The following ADAMTS2 variants were observed in gnomAD, a reference collection of about 807,000 sequenced individuals.
The protein encoded by ADAMTS2 is ADAM metallopeptidase with thrombospondin type 1 motif 2.
In ADAMTS2, 50 loss-of-function variants were observed where a neutral mutation model predicts 123.0. The ratio of observed to expected loss-of-function variants is 0.41; its 90% CI spans 0.32 to 0.51. ADAMTS2 has a LOEUF of 0.51. Among genes scored for constraint, ADAMTS2 ranks in the 20% least tolerant of loss-of-function variants. The pLI, the probability that ADAMTS2 is intolerant of heterozygous loss-of-function variation, is 0.35. For missense variants in ADAMTS2, 1,494 were observed against 1,705.2 expected (o/e 0.88, Z 2.18); for synonymous variants, 678 against 695.4 (o/e 0.98, Z 0.39).
chr5:179,320,679 G>A (rs1359504376), intron 2 of ADAMTS2, among the ~76,000 whole-genome samples: 5 of 152,106 alleles, frequency 3.3e-5, no homozygotes, highest in Admixed American at 6.6e-5. Context: ...TCATCCCTGC[G>A]TCACCAGTGG....
intron 3 of ADAMTS2, among the ~76,000 whole-genome samples, chr5:179,247,544 T>C (rs966197479): frequency 3.9e-5 from 6 of 152,158 alleles, no homozygotes; most frequent in African/African-American, 1.4e-4. Flanking sequence ...GACTCCAAGT[T>C]TGAAAACTCA....
Position 179,130,304 on chromosome 5 carries a change from C to T in ADAMTS2, c.2291-206G>A, listed in dbSNP as rs1357320894. Among the ~76,000 whole-genome samples, 1 of 152,138 alleles carries T rather than the reference C, an allele frequency of 6.6e-6. No individual in the cohort carries two copies. The highest frequency in any genetic ancestry group is 1.5e-5 in the Non-Finnish European group (1 of 68,016). ...TCACTGCTCCCTCGGGACCAGATTACCCTCCACTCGCATCCTCTGCCCCCA... is the reference window on the plus strand; with the variant it reads ...TCACTGCTCCCTCGGGACCAGATTATCCTCCACTCGCATCCTCTGCCCCCA... On this transcript the variant is annotated intron_variant, in intron 15 of 21. Transcript: ENST00000251582. The surrounding 1 kb of genome is among the most constrained non-coding windows in gnomAD (Gnocchi z 4.3).
rs115349074 is a variant in ADAMTS2, at chr5:179,234,554, C to T, written c.689-26839G>A. ...AGCCTGCACCTCCCCAGGCTCCAGACCCCGCCCCCTGCTGCCTGCAACTGC... is the reference window on the plus strand; with the variant it reads ...AGCCTGCACCTCCCCAGGCTCCAGATCCCGCCCCCTGCTGCCTGCAACTGC... On this transcript the variant is annotated intron_variant, in intron 3 of 21. Transcript: ENST00000251582. This position sits in a 1 kb window ranked among gnomAD's most constrained non-coding sequence, Gnocchi z 4.7. Among the ~76,000 whole-genome samples, 1,268 of 151,702 alleles carry T rather than the reference C, an allele frequency of 8.4e-3. 22 individuals are homozygous for T. The highest frequency in any genetic ancestry group is 0.029 in the African/African-American group (1,210 of 41,312).
chr5:179,239,725 C>T (rs566619545), intron 3 of ADAMTS2, among the ~76,000 whole-genome samples: 1 of 152,082 alleles, frequency 6.6e-6, no homozygotes, highest in South Asian at 2.1e-4. Context: ...CAGAGGGAGA[C>T]CAAGGAGCGT....
chr5:179,318,141 C>G (rs966733557), intron 2 of ADAMTS2, among the ~76,000 whole-genome samples: 2 of 152,232 alleles, frequency 1.3e-5, no homozygotes, highest in African/African-American at 4.8e-5. Context: ...CCCTTCCCAT[C>G]CAAGGCTCCA....
rs553286315 is a variant in ADAMTS2 at position 179,317,317 on chromosome 5, C to T, written c.534+26450G>A. Among the ~76,000 whole-genome samples, 4 of 152,326 alleles carry T rather than the reference C, an allele frequency of 2.6e-5. No individual in the cohort carries two copies. Among genetic ancestry groups the T allele is most frequent in the African/African-American group, 9.6e-5 (4 of 41,578 alleles). On this transcript the variant is annotated intron_variant, in intron 2 of 21. Coordinates refer to ENST00000251582, the MANE Select transcript of ADAMTS2 (RefSeq NM_014244.5). This position sits in a 1 kb window ranked among gnomAD's most constrained non-coding sequence, Gnocchi z 4.9. ...TGAAGATGGACTCAGCTAGCAGAGT[C>T]GCTGATATGGTAACACAATATCACA...
chr5:179,264,940 ACCCCTGCACCAGCG>A (rs1561655319), intron 3 of ADAMTS2, among the ~76,000 whole-genome samples: 1 of 93,968 alleles, frequency 1.1e-5, no homozygotes, highest in East Asian at 3.4e-4. Flanking sequence ...GAGCGCGCTG[ACCCCTGCACCAGCG>A]CTGACCCCTG....
At chr5:179,281,937 T>C (rs147238794) in intron 2 of ADAMTS2, among the ~76,000 whole-genome samples, 158 of 152,362 alleles carry the variant, frequency 1.0e-3, no homozygotes, top group African/African-American at 3.6e-3. Context: ...TTATAGGTCA[T>C]TTATTTAACT....
At chr5:179,315,895 C>A (rs758787137) in intron 2 of ADAMTS2, among the ~76,000 whole-genome samples, 2 of 152,024 alleles carry the variant, frequency 1.3e-5, no homozygotes, top group Non-Finnish European at 2.9e-5. Context: ...AGAAAAGCTG[C>A]GAGACGTGGG....
At position 179,285,744 on chromosome 5, in the gene ADAMTS2, C is replaced by T. The variant is rs1055367083; in HGVS notation, c.535-12680G>A. ...TAACATTCACATAAATAACAGGGCG[C>T]TCTCTACTAAAGAAGAAAAATGACT... On this transcript the variant is annotated intron_variant, in intron 2 of 21. Transcript: ENST00000251582. The surrounding 1 kb of genome is among the most constrained non-coding windows in gnomAD (Gnocchi z 4.9). 2.6e-5 allele frequency among the ~76,000 whole-genome samples: 4 copies of T among 152,210 alleles called. No individual in the cohort carries two copies. In the South Asian group the frequency reaches 6.2e-4, roughly 24 times the overall value.
intron 13 of ADAMTS2, among the ~76,000 whole-genome samples, chr5:179,135,249 T>G (rs1270059790): frequency 6.6e-6 from 1 of 152,064 alleles, no homozygotes; most frequent in Non-Finnish European, 1.5e-5. Context: ...TGCGGCTGTT[T>G]CTCAGGAAGG....
chr5:179,343,756 T>G lies in ADAMTS2; in HGVS notation c.534+11A>C, dbSNP rs768717695. 2.5e-5 allele frequency: 40 copies of G among 1,608,876 alleles called. No homozygotes were observed. The highest frequency in any genetic ancestry group is 2.9e-5 in the Non-Finnish European group (34 of 1,179,426). On this transcript the variant is annotated intron_variant, in intron 2 of 21. Transcript: ENST00000251582. ...AGCGGAGAGAAAGGAGCTAGAGAAGTGCGTACTCACCAGCCCATCGCAGTT... is the reference window on the plus strand; with the variant it reads ...AGCGGAGAGAAAGGAGCTAGAGAAGGGCGTACTCACCAGCCCATCGCAGTT...
chr5:179,260,529 C>A lies in ADAMTS2; in HGVS notation c.688+12382G>T, dbSNP rs758568513. ...ACAAACAGATGGGGTCACAGGCTAC[C>A]GGGTTTTGCCAGCCCAGGCTCTGAG... On this transcript the variant is annotated intron_variant, in intron 3 of 21. Coordinates refer to ENST00000251582, the MANE Select transcript of ADAMTS2 (RefSeq NM_014244.5). The surrounding 1 kb of genome is among the most constrained non-coding windows in gnomAD (Gnocchi z 4.2). Among the ~76,000 whole-genome samples, 1 of 152,132 alleles carries A rather than the reference C, an allele frequency of 6.6e-6. No individual in the cohort carries two copies. Among genetic ancestry groups the A allele is most frequent in the Non-Finnish European group, 1.5e-5 (1 of 68,022 alleles).
At chr5:179,337,735 G>A (rs532337222) in intron 2 of ADAMTS2, among the ~76,000 whole-genome samples, 3 of 152,206 alleles carry the variant, frequency 2.0e-5, no homozygotes, top group East Asian at 1.9e-4. Context: ...AGGCAGCCAC[G>A]AGGCAAAGCC....
At chr5:179,124,741 A>G (rs1000438400) in intron 19 of ADAMTS2, among the ~76,000 whole-genome samples, 25 of 152,220 alleles carry the variant, frequency 1.6e-4, no homozygotes, top group African/African-American at 9.6e-5. Flanking sequence ...AGCTGAGGAC[A>G]CGGGATCAGG....
chr5:179,135,783 A>G, intron 13 of ADAMTS2, 126 bp downstream of exon 13: 1 of 1,433,094 alleles, frequency 7.0e-7, no homozygotes, highest in Admixed American at 1.9e-5. Flanking sequence ...TGGTCCGGGC[A>G]TTGTTTCTGA....
chr5:179,257,514 C>A (rs1356761344), intron 3 of ADAMTS2, among the ~76,000 whole-genome samples: 1 of 152,200 alleles, frequency 6.6e-6, no homozygotes, highest in Non-Finnish European at 1.5e-5. Context: ...TCCCTCAGTG[C>A]CGCATCCAAC....
At chr5:179,238,992 C>A (rs545908446) in intron 3 of ADAMTS2, among the ~76,000 whole-genome samples, 2 of 150,900 alleles carry the variant, frequency 1.3e-5, no homozygotes, top group African/African-American at 4.9e-5. Context: ...GGAGGAAGGA[C>A]GACAGCTAAG....
chr5:179,336,162 TC>T (rs768325559), intron 2 of ADAMTS2, among the ~76,000 whole-genome samples: 35 of 152,254 alleles, frequency 2.3e-4, no homozygotes, highest in Non-Finnish European at 3.7e-4. Flanking sequence ...AATCGGCGGG[TC>T]TCAGGCCCCG....
Sources: allele counts gnomAD v4.1 joint callset (sites outside exome capture counted in the v4.1 genomes callset), GRCh38; gene constraint gnomAD v4.1.1; non-coding constraint Gnocchi (gnomAD v3.1); transcripts MANE v1.5; gene names NCBI Gene and HGNC (gene_info 2026-07-23, HGNC 2026-07-21).